The following CDK5RAP2 variants were observed in gnomAD, a reference collection of about 807,000 sequenced individuals.
The protein encoded by CDK5RAP2 is CDK5 regulatory subunit associated protein 2.
A neutral mutation model predicts 232.9 loss-of-function variants in CDK5RAP2; 147 were observed. The observed-to-expected ratio is 0.63, with a 90% confidence interval of 0.55 to 0.72. The LOEUF is 0.72. Ranked by LOEUF, CDK5RAP2 falls within the 30% of genes least tolerant of loss-of-function variation. The pLI, the probability that CDK5RAP2 is intolerant of heterozygous loss-of-function variation, is 0.00. For synonymous variants in CDK5RAP2, 833 were observed against 833.7 expected, an observed-to-expected ratio of 1.00 and a Z score of 0.01; for missense variants, 2,195 against 2,231.5, an observed-to-expected ratio of 0.98 and a Z score of 0.33.
At chr9:120,447,723 C>T (rs1298668999) in intron 22 of CDK5RAP2, among the ~76,000 whole-genome samples, 172 bp downstream of exon 22, 1 of 152,216 alleles carries the variant, frequency 6.6e-6, no homozygotes, top group Non-Finnish European at 1.5e-5. Context: ...GATTCATTCT[C>T]CTTATTGTGT....
intron 18 of CDK5RAP2, 51 bp downstream of exon 18, chr9:120,467,809 C>A (rs568869909): frequency 5.9e-5 from 95 of 1,601,550 alleles, no homozygotes; most frequent in South Asian, 2.6e-4. Context: ...CCATACCAAG[C>A]CGGTTGTTAT....
At chr9:120,504,241 T>C (rs1445247500) in intron 12 of CDK5RAP2, among the ~76,000 whole-genome samples, 1 of 151,980 alleles carries the variant, frequency 6.6e-6, no homozygotes, top group East Asian at 1.9e-4. Flanking sequence ...CAAGTAGAAG[T>C]AGAAGTGCAC....
intron 5 of CDK5RAP2, among the ~76,000 whole-genome samples, chr9:120,542,537 T>C (rs1383372703): frequency 1.3e-5 from 2 of 150,038 alleles, no homozygotes; most frequent in African/African-American, 4.9e-5. Context: ...AGCAGTTCCA[T>C]GGTAGATACT....
rs995533241 is a variant in CDK5RAP2, at chr9:120,389,170, C to T, written c.*66G>A. ...TCTTCCTCAATAAATAGGAACCACA[C>T]TTGGAACAAAGAGACAGCGTGAGCT... On this transcript the variant is annotated 3_prime_UTR_variant, in exon 38 of 38. Transcript: ENST00000349780. 2.3e-6 allele frequency: 3 copies of T among 1,332,408 alleles called. No individual in the cohort carries two copies. The highest frequency in any genetic ancestry group is 1.8e-5 in the Admixed American group (1 of 55,570). The allele number at this position is 1,332,408 out of a possible 1,614,324, so 82.5% of individuals were successfully genotyped here.
At chr9:120,558,534 G>C (rs958044936) in intron 3 of CDK5RAP2, among the ~76,000 whole-genome samples, 1 of 151,954 alleles carries the variant, frequency 6.6e-6, no homozygotes, top group Non-Finnish European at 1.5e-5. Context: ...CCCTGCCACA[G>C]CCACAAAGTG....
chr9:120,461,847 G>GC (rs2037109007), intron 18 of CDK5RAP2, among the ~76,000 whole-genome samples: 1 of 152,168 alleles, frequency 6.6e-6, no homozygotes, highest in Admixed American at 6.5e-5. Flanking sequence ...TGTCTCGAAA[G>GC]CAAAAACAAA....
intron 13 of CDK5RAP2, 111 bp downstream of exon 13, chr9:120,491,196 C>A: frequency 1.1e-6 from 1 of 872,680 alleles, no homozygotes; most frequent in Non-Finnish European, 1.8e-6. Context: ...CTAAAGTATT[C>A]TGAAACATAG....
At chr9:120,503,372 G>C (rs965800614) in intron 12 of CDK5RAP2, among the ~76,000 whole-genome samples, 2 of 152,128 alleles carry the variant, frequency 1.3e-5, no homozygotes, top group Non-Finnish European at 2.9e-5. Flanking sequence ...TGCAGAGATG[G>C]CCCTGAAGAA....
At chr9:120,397,519 A>C (rs1341514575) in intron 35 of CDK5RAP2, among the ~76,000 whole-genome samples, 13 of 143,550 alleles carry the variant, frequency 9.1e-5, no homozygotes, top group Admixed American at 8.6e-4. Context: ...GGCATGAGCC[A>C]CCATCCCGGC....
chr9:120,536,156 C>G (rs551998379), intron 7 of CDK5RAP2, among the ~76,000 whole-genome samples: 2 of 152,274 alleles, frequency 1.3e-5, no homozygotes, highest in African/African-American at 2.4e-5. Context: ...AGTAGACAAT[C>G]TCTGACCTCA....
At chr9:120,553,333 C>T (rs2042113953) in intron 3 of CDK5RAP2, among the ~76,000 whole-genome samples, 2 of 152,132 alleles carry the variant, frequency 1.3e-5, no homozygotes, top group Admixed American at 6.5e-5. Context: ...AACTTAACTT[C>T]AAGAACAGAT....
chr9:120,468,009 G>C lies in CDK5RAP2; in HGVS notation c.1969-12C>G, dbSNP rs779799404. 5 of 1,613,690 alleles carry C rather than the reference G, an allele frequency of 3.1e-6. No individual in the cohort carries two copies. In the South Asian group the frequency reaches 4.4e-5, roughly 14 times the overall value. On this transcript the variant is annotated splice_polypyrimidine_tract_variant and intron_variant, in intron 17 of 37. Coordinates refer to ENST00000349780, the MANE Select transcript of CDK5RAP2 (RefSeq NM_018249.6). Reference sequence around the variant, plus strand: ...ATAAGGTCACTGACCTAGGAGGTAAGAACAGGGAAAAGGCTGTCTACCCAG... The same window carrying C: ...ATAAGGTCACTGACCTAGGAGGTAACAACAGGGAAAAGGCTGTCTACCCAG...
At chr9:120,391,694 GT>G (rs1376374270) in intron 36 of CDK5RAP2, among the ~76,000 whole-genome samples, 1 of 152,196 alleles carries the variant, frequency 6.6e-6, no homozygotes, top group Non-Finnish European at 1.5e-5. Flanking sequence ...ACTTTCCCCT[GT>G]AGACTCTGAG....
chr9:120,425,008 G>C (rs999541198), intron 25 of CDK5RAP2, among the ~76,000 whole-genome samples: 1 of 151,984 alleles, frequency 6.6e-6, no homozygotes, highest in Non-Finnish European at 1.5e-5. Context: ...CATTCACATT[G>C]TTCTTTAGTT....
chr9:120,542,836 T>C (rs986526705), intron 5 of CDK5RAP2, among the ~76,000 whole-genome samples: 1 of 152,164 alleles, frequency 6.6e-6, no homozygotes, highest in Non-Finnish European at 1.5e-5. Flanking sequence ...CATAGAGTAT[T>C]ATCATTCTGT....
chr9:120,448,764 G>A (rs1423655020), intron 21 of CDK5RAP2, among the ~76,000 whole-genome samples: 2 of 152,090 alleles, frequency 1.3e-5, no homozygotes, highest in Non-Finnish European at 2.9e-5. Flanking sequence ...TGATTTTTAA[G>A]TTTCCCTTTA....
intron 27 of CDK5RAP2, among the ~76,000 whole-genome samples, chr9:120,416,661 G>C (rs116133256): frequency 6.6e-6 from 1 of 152,132 alleles, no homozygotes; most frequent in East Asian, 1.9e-4. Flanking sequence ...CTTTAACAAA[G>C]AAAGAAGAAA....
At chr9:120,435,470 TACACACACACACAC>T (rs55654634) in intron 25 of CDK5RAP2, among the ~76,000 whole-genome samples, 5 of 147,412 alleles carry the variant, frequency 3.4e-5, no homozygotes, top group East Asian at 4.0e-4. Context: ...ATTACACATT[TACACACACACACAC>T]ACACACACAC....
chr9:120,557,925 C>T (rs1004922723), intron 3 of CDK5RAP2, among the ~76,000 whole-genome samples: 4 of 150,114 alleles, frequency 2.7e-5, no homozygotes, highest in Admixed American at 2.0e-4. Context: ...GCCACCACAC[C>T]TGGCTAATTT....
Sources: gnomAD v4.1 joint callset for allele counts (sites outside exome capture counted in the v4.1 genomes callset) on GRCh38, gnomAD v4.1.1 for gene constraint, MANE v1.5 for transcripts, NCBI Gene and HGNC (gene_info 2026-07-23, HGNC 2026-07-21) for gene names.